The following AZI2 variants were observed in gnomAD, a reference collection of about 807,000 sequenced individuals.
AZI2 encodes 5-azacytidine induced 2.
AZI2 carries 22 observed loss-of-function variants against 45.8 expected under a neutral mutation model. That is an observed-to-expected ratio of 0.48 (90% CI 0.34 to 0.69). The LOEUF is 0.69. AZI2 is among the 30% of genes least tolerant of loss of function. The probability of loss-of-function intolerance (pLI) is 0.01; values close to 1 mark genes in which losing one functional copy is unlikely to be tolerated. For missense variants in AZI2, 417 were observed against 441.5 expected, an observed-to-expected ratio of 0.94 and a Z score of 0.50; for synonymous variants, 137 against 156.7, an observed-to-expected ratio of 0.87 and a Z score of 0.94.
chr3:28,324,270 T>G lies in AZI2; in HGVS notation c.951A>C (p.Gln317His), dbSNP rs567300601. The G allele has an allele frequency of 7.5e-6, 12 of 1,609,260 alleles. No homozygotes were observed. Among genetic ancestry groups the G allele is most frequent in the Non-Finnish European group, 1.0e-5 (12 of 1,176,736 alleles). Residue 317 changes from glutamine to histidine, a missense_variant, in exon 8 of 8, where the codon CAA (glutamine) becomes CAC (histidine). Transcript: ENST00000479665. ...VKVLSEKAILQSWTDNERSIP... is the reference protein window; with the variant it reads ...VKVLSEKAILHSWTDNERSIP... ...TGGATCTCTCATTGTCTGTCCATGA[T>G]TGGAGGATTGCTTTCTCTGATAAAA...
chr3:28,329,493 TGAA>T (rs896590111), intron 6 of AZI2, among the ~76,000 whole-genome samples: 3 of 151,158 alleles, frequency 2.0e-5, no homozygotes, highest in African/African-American at 7.3e-5. Flanking sequence ...TGTCCACAAC[TGAA>T]GGAGGGAGTA....
chr3:28,344,111 C>CT, intron 1 of AZI2, among the ~76,000 whole-genome samples: 1 of 151,940 alleles, frequency 6.6e-6, no homozygotes, highest in Middle Eastern at 3.4e-3. Context: ...CTTATCTGTC[C>CT]TAAAAGTTAT....
intron 6 of AZI2, among the ~76,000 whole-genome samples, chr3:28,329,326 C>T (rs1041429845): frequency 1.3e-5 from 2 of 151,050 alleles, no homozygotes; most frequent in African/African-American, 2.4e-5. Flanking sequence ...TCACTTAACC[C>T]GGTCTAATGA....
chr3:28,324,513 G>A (rs1703309139), intron 7 of AZI2, 59 bp from the exon 8 acceptor site: 5 of 1,359,284 alleles, frequency 3.7e-6, no homozygotes, highest in Admixed American at 2.6e-5. Flanking sequence ...CATAAAATTC[G>A]ATAACACTTC....
chr3:28,326,346 A>G (rs1703387195), intron 7 of AZI2: 1 of 156,148 alleles, frequency 6.4e-6, no homozygotes, highest in African/African-American at 2.4e-5. Context: ...GTAATCAGCT[A>G]TATCCTTTAT....
At chr3:28,337,893 T>C in intron 4 of AZI2, 44 bp downstream of exon 4, 1 of 1,235,512 alleles carries the variant, frequency 8.1e-7, no homozygotes, top group Non-Finnish European at 1.1e-6. Context: ...AATGGAAAAA[T>C]ATGTTAATTC....
intron 7 of AZI2, among the ~76,000 whole-genome samples, chr3:28,326,302 G>T (rs1452520541): frequency 6.6e-6 from 1 of 151,010 alleles, no homozygotes; most frequent in African/African-American, 2.4e-5. Flanking sequence ...TTGTTTGGTT[G>T]AAGGGCATAA....
Position 28,338,012 on chromosome 3 carries a change from T to G in AZI2, c.364A>C (p.Lys122Gln), listed in dbSNP as rs575403317. The G allele has an allele frequency of 6.3e-7, 1 of 1,591,916 alleles. No individual in the cohort carries two copies. The highest frequency in any genetic ancestry group is 8.6e-7 in the Non-Finnish European group (1 of 1,167,932). ...KMNKDNSESL[K>Q]VLNEQLQSKE... is the part of the protein sequence containing the mutation. Reference sequence around the variant, plus strand: ...GATTGTAGCTGCTCATTCAATACTTTCAAAGATTCAGAGTTGTCTTTATTC... The same window carrying G: ...GATTGTAGCTGCTCATTCAATACTTGCAAAGATTCAGAGTTGTCTTTATTC... Residue 122 changes from lysine (K) to glutamine (Q), a missense_variant, in exon 4 of 8, where the codon AAA becomes CAA. By Grantham distance (53) the Lys-to-Gln change is moderately conservative (BLOSUM62 1). Coordinates refer to ENST00000479665, the MANE Select transcript of AZI2 (RefSeq NM_022461.5).
intron 4 of AZI2, 127 bp downstream of exon 4, chr3:28,337,810 C>T: frequency 2.0e-6 from 1 of 508,860 alleles, no homozygotes; most frequent in South Asian, 5.5e-5. Flanking sequence ...GAGAAATTAA[C>T]ATAAACCTAA....
chr3:28,338,610 T>TA lies in AZI2; in HGVS notation c.221dup (p.Ala75SerfsTer4). 6.2e-7 allele frequency: 1 copy of TA among 1,609,192 alleles called. No individual in the cohort carries two copies. On this transcript the variant is annotated frameshift_variant, in exon 3 of 8. Coordinates refer to ENST00000479665, the MANE Select transcript of AZI2 (RefSeq NM_022461.5). LOFTEE classifies it high-confidence loss of function. ...AACTTGTTTCTTCTTCAAATCGAGC[T>TA]ATTAGCTAACGGTATGAAATTAGAA...
chr3:28,337,085 T>C, intron 4 of AZI2, 200 bp from the exon 5 acceptor site: 1 of 540,086 alleles, frequency 1.9e-6, no homozygotes, highest in Non-Finnish European at 3.1e-6. Context: ...AGCAATCTTG[T>C]TTTAGAATTT....
intron 6 of AZI2, chr3:28,331,811 T>TA: frequency 6.5e-7 from 1 of 1,535,180 alleles, no homozygotes; most frequent in South Asian, 1.2e-5. Flanking sequence ...GTAAAAATGA[T>TA]ACGTATTTGA....
chr3:28,344,446 T>G (rs1365353716), intron 1 of AZI2, among the ~76,000 whole-genome samples: 1 of 152,072 alleles, frequency 6.6e-6, no homozygotes, highest in Non-Finnish European at 1.5e-5. Context: ...AAGTAAAAAG[T>G]AGGCTATGTG....
At position 28,342,485 on chromosome 3, in the gene AZI2, C is replaced by G. The variant is rs1034143764; in HGVS notation, c.-5-1863G>C. 2.0e-5 allele frequency among the ~76,000 whole-genome samples: 3 copies of G among 152,014 alleles called. No homozygotes were observed. The East Asian group carries it at 5.8e-4, about 29-fold the overall frequency. ...TTACTCATGCTGCTTCTGATGCAAG[C>G]TGCATTTTCTCCTAATGATGAAAAG... On this transcript the variant is annotated intron_variant, in intron 1 of 7. Transcript: ENST00000479665.
chr3:28,339,321 T>C (rs1328717699), intron 2 of AZI2, among the ~76,000 whole-genome samples: 1 of 152,148 alleles, frequency 6.6e-6, no homozygotes, highest in Non-Finnish European at 1.5e-5. Flanking sequence ...TGTGTTAATT[T>C]GTTAAATCCT....
chr3:28,337,160 G>T (rs1422457948), intron 4 of AZI2: 1 of 312,604 alleles, frequency 3.2e-6, no homozygotes, highest in African/African-American at 2.2e-5. Context: ...TTCTGCATAA[G>T]GTTAAAACAG....
chr3:28,330,846 C>T (rs867852506), intron 6 of AZI2, among the ~76,000 whole-genome samples: 29 of 151,422 alleles, frequency 1.9e-4, no homozygotes, highest in Admixed American at 9.3e-4. Context: ...ATGGCTTTAA[C>T]GTGAAGTAAC....
rs188354149 is a variant in AZI2 at position 28,321,935 on chromosome 3, C to T, written c.*2107G>A. ...CTTATAAAAAGAAATCTAAAGATTCCAAAGGAAGCTCTTTAGAGCAAGTTT... is the reference window on the plus strand; with the variant it reads ...CTTATAAAAAGAAATCTAAAGATTCTAAAGGAAGCTCTTTAGAGCAAGTTT... On this transcript the variant is annotated 3_prime_UTR_variant, in exon 8 of 8. Coordinates refer to ENST00000479665, the MANE Select transcript of AZI2 (RefSeq NM_022461.5). 6.6e-5 allele frequency: 10 copies of T among 151,050 alleles called. No homozygotes were observed. Among genetic ancestry groups the T allele is most frequent in the African/African-American group, 2.2e-4 (9 of 41,238 alleles). 9.4% of individuals were successfully genotyped at this position (151,050 alleles called of 1,614,324 possible).
Position 28,323,065 on chromosome 3 carries a change from C to T in AZI2, c.*977G>A, listed in dbSNP as rs1454002680. 1 of 150,956 alleles carries T rather than the reference C, an allele frequency of 6.6e-6. No homozygotes were observed. Among genetic ancestry groups the T allele is most frequent in the Non-Finnish European group, 1.5e-5 (1 of 67,320 alleles). The allele number at this position is 150,956 out of a possible 1,614,324, so 9.4% of individuals were successfully genotyped here. ...TCGACAATATCAATACAGCCCAAACCCTGATTTCTATGATTAAAAATAATA... is the reference window on the plus strand; with the variant it reads ...TCGACAATATCAATACAGCCCAAACTCTGATTTCTATGATTAAAAATAATA... On this transcript the variant is annotated 3_prime_UTR_variant, in exon 8 of 8. Transcript: ENST00000479665.
Sources: gnomAD v4.1 joint callset for allele counts (sites outside exome capture counted in the v4.1 genomes callset) on GRCh38, gnomAD v4.1.1 for gene constraint, MANE v1.5 for transcripts, NCBI Gene and HGNC (gene_info 2026-07-23, HGNC 2026-07-21) for gene names.